NINJ1: variants seen among roughly 807,000 people sequenced by gnomAD.
NINJ1 encodes the protein ninjurin 1, also known as ninjurin-1.
In NINJ1, 6 loss-of-function variants were observed where a neutral mutation model predicts 12.7. The observed-to-expected ratio is 0.47, with a 90% CI of 0.26 to 0.93. The LOEUF is 0.93. NINJ1 is among the 40% of genes least tolerant of loss of function. The probability of loss-of-function intolerance (pLI) is 0.15; values close to 1 mark genes in which losing one functional copy is unlikely to be tolerated. For synonymous variants in NINJ1, 100 were observed against 96.0 expected, an observed-to-expected ratio of 1.04 and a Z score of -0.25; for missense variants, 170 against 213.0, an observed-to-expected ratio of 0.80 and a Z score of 1.26.
In NINJ1 at chr9:93,134,223, G is replaced by A. The variant is rs1484533032; in HGVS notation, c.-6C>T. On this transcript the variant is annotated 5_prime_UTR_variant, in exon 1 of 4. Transcript: ENST00000375446. ...TCCTCGGTTCCCGAGTCCATGGTGC[G>A]GCCGCCCAGGCCGCCAGGATCCGGG... is the stretch of plus-strand genomic sequence containing the variant. The A allele has an allele frequency of 4.8e-6, 7 of 1,473,510 alleles. No individual in the cohort carries two copies. The highest frequency in any genetic ancestry group is 2.2e-5 in the Admixed American group (1 of 46,282). 91.3% of individuals were successfully genotyped at this position (1,473,510 alleles called of 1,614,324 possible). A position where few individuals can be genotyped will look rare whatever the true frequency, so the allele number is the denominator to read the frequency against.
At chr9:93,128,891 CACAT>C (rs1370210414) in intron 1 of NINJ1, among the ~76,000 whole-genome samples, 1 of 152,256 alleles carries the variant, frequency 6.6e-6, no homozygotes, top group Non-Finnish European at 1.5e-5. Flanking sequence ...AATACACATG[CACAT>C]ACATACATAT....
intron 1 of NINJ1, among the ~76,000 whole-genome samples, chr9:93,129,362 A>C (rs995297730): frequency 6.6e-6 from 1 of 152,216 alleles, no homozygotes; most frequent in Admixed American, 6.5e-5. Flanking sequence ...TCAGTCTTCC[A>C]TGTGTACCAC....
chr9:93,127,139 T>A (rs1374850091), intron 1 of NINJ1, among the ~76,000 whole-genome samples: 1 of 151,900 alleles, frequency 6.6e-6, no homozygotes. Context: ...CCTCCCAACC[T>A]CCCAGCCTTG....
intron 1 of NINJ1, among the ~76,000 whole-genome samples, chr9:93,131,264 C>T (rs1410287182): frequency 6.6e-6 from 1 of 152,248 alleles, no homozygotes; most frequent in African/African-American, 2.4e-5. Flanking sequence ...AGGCGGGGTT[C>T]CCACCACAGC....
chr9:93,124,664 C>T (rs1214810458), intron 3 of NINJ1, among the ~76,000 whole-genome samples: 1 of 152,116 alleles, frequency 6.6e-6, no homozygotes, highest in Non-Finnish European at 1.5e-5. Context: ...CAAATGGTGG[C>T]TCCTACACAC....
intron 1 of NINJ1, among the ~76,000 whole-genome samples, chr9:93,128,398 C>G (rs1827843656): frequency 6.6e-6 from 1 of 152,194 alleles, no homozygotes; most frequent in Admixed American, 6.5e-5. Flanking sequence ...GGAGGTTTGC[C>G]CAGAGCCACC....
Position 93,126,552 on chromosome 9 carries a change from G to A in NINJ1, c.162C>T (p.Ile54=), listed in dbSNP as rs765652528. 1.1e-5 allele frequency: 18 copies of A among 1,614,118 alleles called. No individual in the cohort carries two copies. The Admixed American group carries it at 2.0e-4, about 18-fold the overall frequency. Residue 54 remains isoleucine, a synonymous_variant, in exon 2 of 4, where the codon ATC becomes ATT. Coordinates refer to ENST00000375446, the MANE Select transcript of NINJ1 (RefSeq NM_004148.4). Reference sequence around the variant, plus strand: ...GGGACGCGTTGGCCATCAGCAGCGCGATGTCCAGCATGCTCTCGGCTGCGC... The same window carrying A: ...GGGACGCGTTGGCCATCAGCAGCGCAATGTCCAGCATGCTCTCGGCTGCGC... ...KKSAAESMLD[I]ALLMANASQL... is the part of the protein sequence containing the mutation.
chr9:93,127,528 TC>T (rs1485807129), intron 1 of NINJ1, among the ~76,000 whole-genome samples: 3 of 152,054 alleles, frequency 2.0e-5, no homozygotes, highest in Non-Finnish European at 2.9e-5. Flanking sequence ...TGGCCCTCTC[TC>T]CTGCCACAGG....
chr9:93,130,674 G>A (rs1479083209), intron 1 of NINJ1, among the ~76,000 whole-genome samples: 1 of 152,228 alleles, frequency 6.6e-6, no homozygotes, highest in Non-Finnish European at 1.5e-5. Context: ...CCCGTGGCTG[G>A]TGGAGCGCAT....
intron 3 of NINJ1, among the ~76,000 whole-genome samples, chr9:93,123,273 T>C (rs951800200): frequency 1.3e-5 from 2 of 151,662 alleles, no homozygotes; most frequent in Non-Finnish European, 2.9e-5. Context: ...ATCCTCACTA[T>C]GCCCTCTTGG....
At chr9:93,130,296 C>G (rs1419672599) in intron 1 of NINJ1, among the ~76,000 whole-genome samples, 1 of 152,144 alleles carries the variant, frequency 6.6e-6, no homozygotes, top group Non-Finnish European at 1.5e-5. Context: ...CTGGGCCACA[C>G]GGTCGGTCCT....
At chr9:93,127,524 T>C (rs1189908865) in intron 1 of NINJ1, among the ~76,000 whole-genome samples, 1 of 152,110 alleles carries the variant, frequency 6.6e-6, no homozygotes, top group African/African-American at 2.4e-5. Flanking sequence ...GACATGGCCC[T>C]CTCTCCTGCC....
intron 1 of NINJ1, among the ~76,000 whole-genome samples, chr9:93,132,849 G>C (rs753587961): frequency 3.9e-5 from 6 of 152,252 alleles, no homozygotes; most frequent in Non-Finnish European, 7.3e-5. Context: ...CATTGCCCGG[G>C]CAAGGTCAGG....
Position 93,121,511 on chromosome 9 carries a change from A to T in NINJ1, c.*729T>A, listed in dbSNP as rs1475531382. 3.3e-5 allele frequency: 5 copies of T among 152,364 alleles called. No individual in the cohort carries two copies. Among genetic ancestry groups the T allele is most frequent in the Admixed American group, 3.3e-4 (5 of 15,286 alleles). 9.4% of individuals were successfully genotyped at this position (152,364 alleles called of 1,614,324 possible). A position where few individuals can be genotyped will look rare whatever the true frequency, so the allele number is the denominator to read the frequency against. On this transcript the variant is annotated 3_prime_UTR_variant, in exon 4 of 4. Coordinates refer to ENST00000375446, the MANE Select transcript of NINJ1 (RefSeq NM_004148.4). ...AGATGGCATGTGGAGCCTGACAAAGAGCGTGGGCTTTATTGTTCATTCATG... is the reference window on the plus strand; with the variant it reads ...AGATGGCATGTGGAGCCTGACAAAGTGCGTGGGCTTTATTGTTCATTCATG...
chr9:93,125,052 G>A lies in NINJ1; in HGVS notation c.315C>T (p.Asp105=). The change falls in exon 3 of 4, where the codon GAC becomes GAT. Residue 105 remains aspartate (D), a synonymous_variant. Coordinates refer to ENST00000375446, the MANE Select transcript of NINJ1 (RefSeq NM_004148.4). ...TGGCGTGCTTGGCCGGGTTGTTAAGGTCGTACTTGACTGTGGGCGAGAGAG... is the reference window on the plus strand; with the variant it reads ...TGGCGTGCTTGGCCGGGTTGTTAAGATCGTACTTGACTGTGGGCGAGAGAG... ...GVLLIFLVKY[D]LNNPAKHAKL... 1 of 1,612,784 alleles carries A rather than the reference G, an allele frequency of 6.2e-7. No homozygotes were observed. Among genetic ancestry groups the A allele is most frequent in the South Asian group, 1.1e-5 (1 of 90,868 alleles).
intron 1 of NINJ1, among the ~76,000 whole-genome samples, chr9:93,132,526 C>T (rs1827909923): frequency 1.3e-5 from 2 of 152,230 alleles, no homozygotes; most frequent in Admixed American, 1.3e-4. Context: ...CTCCAGGGCT[C>T]AGAGCCAATG....
intron 1 of NINJ1, among the ~76,000 whole-genome samples, chr9:93,126,872 C>T (rs1827820987): frequency 1.3e-5 from 2 of 152,190 alleles, no homozygotes. Flanking sequence ...AACGACATAG[C>T]AACCTTAGCA....
At position 93,129,664 on chromosome 9, in the gene NINJ1, C is replaced by A. The variant is rs1173054584; in HGVS notation, c.76-3026G>T. 5.3e-5 allele frequency among the ~76,000 whole-genome samples: 8 copies of A among 152,322 alleles called. No homozygotes were observed. In the East Asian group the frequency reaches 1.5e-3, roughly 29 times the overall value. On this transcript the variant is annotated intron_variant, in intron 1 of 3. Coordinates refer to ENST00000375446, the MANE Select transcript of NINJ1 (RefSeq NM_004148.4). The stretch of plus-strand genomic sequence containing the variant: ...ACCAAGGGAGAGGCTGTGTTCCTCT[C>A]CCATTCTACAGACCAGCAGATTGCA...
chr9:93,123,971 G>A (rs1027123313), intron 3 of NINJ1, among the ~76,000 whole-genome samples: 3 of 152,242 alleles, frequency 2.0e-5, no homozygotes, highest in African/African-American at 4.8e-5. Context: ...TGGGTGCCTC[G>A]TCCTGTAGAG....
Sources: gnomAD v4.1 joint callset for allele counts (sites outside exome capture counted in the v4.1 genomes callset) on GRCh38, gnomAD v4.1.1 for gene constraint, MANE v1.5 for transcripts, NCBI Gene and HGNC (gene_info 2026-07-23, HGNC 2026-07-21) for gene names.